Variants in WNT3A observed in about 807,000 individuals in gnomAD.
The protein encoded by WNT3A is Wnt family member 3A, also known as protein Wnt-3a.
WNT3A carries 17 observed loss-of-function variants against 37.0 expected under a neutral mutation model. The ratio of observed to expected loss-of-function variants is 0.46; its 90% CI spans 0.31 to 0.69. The LOEUF (loss-of-function observed/expected upper bound fraction) is 0.69, where lower values mean the gene tolerates loss of function less well. WNT3A is among the 30% of genes least tolerant of loss of function. The pLI, the probability that WNT3A is intolerant of heterozygous loss-of-function variation, is 0.05. For synonymous variants in WNT3A, 187 were observed against 211.0 expected (o/e 0.89, Z 0.99); for missense variants, 411 against 510.2 (o/e 0.81, Z 1.87).
intron 2 of WNT3A, among the ~76,000 whole-genome samples, chr1:228,023,460 C>G (rs1185245082): frequency 6.6e-6 from 1 of 150,834 alleles, no homozygotes; most frequent in African/African-American, 2.4e-5. Flanking sequence ...GAGAGAGAGA[C>G]AGAGAGGGAC....
chr1:228,051,369 G>A (rs564302144), intron 3 of WNT3A, among the ~76,000 whole-genome samples: 2 of 152,320 alleles, frequency 1.3e-5, no homozygotes, highest in Non-Finnish European at 2.9e-5. Context: ...GACTTGGTGG[G>A]CAGAGCACAG....
At chr1:228,045,964 G>A (rs536195196) in intron 2 of WNT3A, among the ~76,000 whole-genome samples, 139 of 152,352 alleles carry the variant, frequency 9.1e-4, no homozygotes, top group African/African-American at 3.2e-3. Flanking sequence ...AGGCAGCCGC[G>A]GCTAGGGAGG....
At position 228,008,216 on chromosome 1, in the gene WNT3A, C is replaced by G. The variant is rs1199745951; in HGVS notation, c.71+1017C>G. Among the ~76,000 whole-genome samples, 3 of 152,142 alleles carry G rather than the reference C, an allele frequency of 2.0e-5. No individual in the cohort carries two copies. The highest frequency in any genetic ancestry group is 3.9e-4 in the East Asian group (2 of 5,170). ...TGGGAGGAATGTGGGCGCGCAGGGCCGGGCGCAGCGCTGGTAGGACCCACA... is the reference window on the plus strand; with the variant it reads ...TGGGAGGAATGTGGGCGCGCAGGGCGGGGCGCAGCGCTGGTAGGACCCACA... On this transcript the variant is annotated intron_variant, in intron 1 of 3. Transcript: ENST00000284523. The surrounding 1 kb of genome is among the most constrained non-coding windows in gnomAD (Gnocchi z 4.9).
At chr1:228,034,716 T>C (rs2031093658) in intron 2 of WNT3A, among the ~76,000 whole-genome samples, 1 of 152,244 alleles carries the variant, frequency 6.6e-6, no homozygotes, top group Non-Finnish European at 1.5e-5. Flanking sequence ...AATCACATGG[T>C]GGCCTATCAT....
At chr1:228,012,512 C>A (rs1341824849) in intron 1 of WNT3A, among the ~76,000 whole-genome samples, 2 of 152,196 alleles carry the variant, frequency 1.3e-5, no homozygotes, top group Non-Finnish European at 1.5e-5. Flanking sequence ...TGAAGCCACA[C>A]CTGGAGTAAT....
At chr1:228,043,441 A>G (rs1187917690) in intron 2 of WNT3A, among the ~76,000 whole-genome samples, 4 of 151,986 alleles carry the variant, frequency 2.6e-5, no homozygotes, top group Non-Finnish European at 5.9e-5. Flanking sequence ...CCGACAGTCC[A>G]CTCTAATGAA....
chr1:228,058,596 C>T (rs1411513797), intron 3 of WNT3A, among the ~76,000 whole-genome samples: 2 of 152,240 alleles, frequency 1.3e-5, no homozygotes, highest in Non-Finnish European at 2.9e-5. Context: ...CACCTCTGGG[C>T]AGCGTGCCTG....
chr1:228,018,566 T>C (rs7525583), intron 1 of WNT3A, among the ~76,000 whole-genome samples: 5,826 of 152,124 alleles, frequency 0.038, 345 homozygotes, highest in African/African-American at 0.12. Context: ...CTAACCTTTG[T>C]ATTTTTGTAG....
chr1:228,049,586 G>A (rs1227961271), intron 2 of WNT3A, among the ~76,000 whole-genome samples: 2 of 152,186 alleles, frequency 1.3e-5, no homozygotes, highest in Non-Finnish European at 2.9e-5. Flanking sequence ...CTCCCAAGGG[G>A]ACTGCACCTT....
At chr1:228,048,075 A>G (rs561107805) in intron 2 of WNT3A, among the ~76,000 whole-genome samples, 12 of 152,178 alleles carry the variant, frequency 7.9e-5, no homozygotes, top group Non-Finnish European at 1.5e-5. Context: ...CTCTGTTGTG[A>G]CCCTAAGGGG....
At chr1:228,043,006 AATGGATAG>A (rs2031324313) in intron 2 of WNT3A, among the ~76,000 whole-genome samples, 1 of 148,112 alleles carries the variant, frequency 6.8e-6, no homozygotes, top group Non-Finnish European at 1.5e-5. Flanking sequence ...TATGATAGGT[AATGGATAG>A]ATGGATGGAT....
chr1:228,055,446 T>G (rs74899406), intron 3 of WNT3A, among the ~76,000 whole-genome samples: 1 of 151,286 alleles, frequency 6.6e-6, no homozygotes, highest in Non-Finnish European at 1.5e-5. Flanking sequence ...ATATAGATGA[T>G]AGATATAAAT....
chr1:228,030,237 T>C (rs2030966718), intron 2 of WNT3A, among the ~76,000 whole-genome samples: 2 of 151,010 alleles, frequency 1.3e-5, no homozygotes, highest in South Asian at 4.2e-4. Flanking sequence ...TCTACTAAAA[T>C]ACAAAAAAAT....
At chr1:228,012,614 C>T (rs1263296939) in intron 1 of WNT3A, among the ~76,000 whole-genome samples, 1 of 152,144 alleles carries the variant, frequency 6.6e-6, no homozygotes, top group East Asian at 1.9e-4. Flanking sequence ...AACTTGCCCC[C>T]TTTAAGAGTA....
intron 3 of WNT3A, among the ~76,000 whole-genome samples, chr1:228,058,554 T>C (rs568891765): frequency 3.4e-4 from 52 of 152,340 alleles, no homozygotes; most frequent in African/African-American, 1.2e-3. Flanking sequence ...TTACTCATGC[T>C]CAGGACTCGT....
chr1:228,048,308 C>T (rs1290152759), intron 2 of WNT3A, among the ~76,000 whole-genome samples: 2 of 152,210 alleles, frequency 1.3e-5, no homozygotes, highest in African/African-American at 2.4e-5. Flanking sequence ...TCAGGACTCT[C>T]CCACAACAGA....
Position 228,060,011 on chromosome 1 carries a change from G to C in WNT3A, c.*546G>C. The C allele has an allele frequency of 8.5e-7, 1 of 1,174,918 alleles. No homozygotes were observed. Among genetic ancestry groups the C allele is most frequent in the South Asian group, 1.6e-5 (1 of 61,278 alleles). The allele number at this position is 1,174,918 out of a possible 1,614,324, so 72.8% of individuals were successfully genotyped here. A position where few individuals can be genotyped will look rare whatever the true frequency, so the allele number is the denominator to read the frequency against. On this transcript the variant is annotated 3_prime_UTR_variant, in exon 4 of 4. Transcript: ENST00000284523. ...GTGGATGAGGCTTCTTCCTGGATGG[G>C]GCAGAGCTTCTCCTGACCAGGGCAA...
At chr1:228,021,205 AG>A (rs2030696427) in intron 1 of WNT3A, among the ~76,000 whole-genome samples, 1 of 152,334 alleles carries the variant, frequency 6.6e-6, no homozygotes, top group East Asian at 1.9e-4. Context: ...TGTCCCATTC[AG>A]GGTAGCCACG....
intron 2 of WNT3A, among the ~76,000 whole-genome samples, chr1:228,049,706 C>T (rs375700508): frequency 3.3e-5 from 5 of 152,152 alleles, no homozygotes; most frequent in South Asian, 4.1e-4. Flanking sequence ...AGGTGTGAGG[C>T]GGCCCCTTAT....
Sources: allele counts gnomAD v4.1 joint callset (sites outside exome capture counted in the v4.1 genomes callset), GRCh38; gene constraint gnomAD v4.1.1; non-coding constraint Gnocchi (gnomAD v3.1); transcripts MANE v1.5; gene names NCBI Gene and HGNC (gene_info 2026-07-23, HGNC 2026-07-21).